The following AHCTF1 variants were observed in gnomAD, a reference collection of about 807,000 sequenced individuals.
AHCTF1 encodes the protein AT-hook containing transcription factor 1.
Under a neutral mutation model 248.4 loss-of-function variants are expected in AHCTF1, and 24 were observed. The ratio of observed to expected loss-of-function variants is 0.10; its 90% confidence interval spans 0.07 to 0.14. The LOEUF is 0.14. Ranked by LOEUF, AHCTF1 falls within the 10% of genes least tolerant of loss-of-function variation. AHCTF1 has a pLI of 1.00. For synonymous variants in AHCTF1, 786 were observed against 929.8 expected, an observed-to-expected ratio of 0.85 and a Z score of 2.81; for missense variants, 2,206 against 2,636.2, an observed-to-expected ratio of 0.84 and a Z score of 3.57.
chr1:246,920,142 CAAAAA>C (rs68194249), intron 1 of AHCTF1, among the ~76,000 whole-genome samples: 2 of 40,804 alleles, frequency 4.9e-5, no homozygotes, highest in East Asian at 9.5e-4. Flanking sequence ...CTGTCCCCCG[CAAAAA>C]AAAAAAAAAA....
At chr1:246,868,635 T>G (rs1662222002) in intron 24 of AHCTF1, among the ~76,000 whole-genome samples, 1 of 151,386 alleles carries the variant, frequency 6.6e-6, no homozygotes, top group Admixed American at 6.6e-5. Flanking sequence ...AAAAAAGTTA[T>G]TCTTTGTGTT....
chr1:246,918,188 C>G, intron 2 of AHCTF1, 62 bp downstream of exon 2: 1 of 1,442,848 alleles, frequency 6.9e-7, no homozygotes, highest in Non-Finnish European at 9.3e-7. Context: ...ATAATATATA[C>G]TTATTATTAT....
chr1:246,895,030 A>T (rs749148447), intron 13 of AHCTF1, among the ~76,000 whole-genome samples: 6 of 137,076 alleles, frequency 4.4e-5, no homozygotes, highest in Non-Finnish European at 9.5e-5. Context: ...AATTCCTTTA[A>T]AAAAAAAAAG....
intron 21 of AHCTF1, among the ~76,000 whole-genome samples, chr1:246,885,031 G>A (rs74784719): frequency 6.6e-6 from 1 of 152,126 alleles, no homozygotes; most frequent in East Asian, 1.9e-4. Flanking sequence ...GTTGTCAACT[G>A]GCAACAAATA....
At chr1:246,868,817 T>C (rs563154609) in intron 24 of AHCTF1, among the ~76,000 whole-genome samples, 1 of 150,752 alleles carries the variant, frequency 6.6e-6, no homozygotes, top group South Asian at 2.1e-4. Flanking sequence ...CATTTTATTG[T>C]GCTTTGCTTC....
At chr1:246,926,903 G>C (rs993376457) in intron 1 of AHCTF1, among the ~76,000 whole-genome samples, 1 of 152,058 alleles carries the variant, frequency 6.6e-6, no homozygotes, top group African/African-American at 2.4e-5. Context: ...GCCGGGCCGC[G>C]GTGGCACACG....
chr1:246,926,130 G>T (rs1040552698), intron 1 of AHCTF1, among the ~76,000 whole-genome samples: 1 of 150,880 alleles, frequency 6.6e-6, no homozygotes, highest in Admixed American at 6.6e-5. Context: ...TTTGCCTTCT[G>T]ACATGATTGG....
rs1330136140 is a variant in AHCTF1 at position 246,840,369 on chromosome 1, T to C, written c.*437A>G. On this transcript the variant is annotated 3_prime_UTR_variant, in exon 36 of 36. Coordinates refer to ENST00000648844, the MANE Select transcript of AHCTF1 (RefSeq NM_001323342.2). The stretch of plus-strand genomic sequence containing the variant: ...CTGATTAGAAATCTGAATCACAGAA[T>C]CAAAGTGCATAAATTATAAAATAGT... 6.6e-6 allele frequency: 1 copy of C among 152,662 alleles called. No individual in the cohort carries two copies. The highest frequency in any genetic ancestry group is 2.4e-5 in the African/African-American group (1 of 41,452). The allele number at this position is 152,662 out of a possible 1,614,324, so 9.5% of individuals were successfully genotyped here. A position where few individuals can be genotyped will look rare whatever the true frequency, so the allele number is the denominator to read the frequency against.
At chr1:246,889,171 G>A (rs916194247) in intron 17 of AHCTF1, among the ~76,000 whole-genome samples, 5 of 152,144 alleles carry the variant, frequency 3.3e-5, no homozygotes, top group African/African-American at 9.7e-5. Flanking sequence ...TTCATCACTT[G>A]GGTTAGTCTT....
intron 26 of AHCTF1, among the ~76,000 whole-genome samples, chr1:246,866,354 A>C (rs1661976837): frequency 6.6e-6 from 1 of 152,218 alleles, no homozygotes; most frequent in African/African-American, 2.4e-5. Flanking sequence ...GGTAGAAAAA[A>C]AGAATGTCGG....
chr1:246,864,047 G>A lies in AHCTF1; in HGVS notation c.3417C>T (p.Ser1139=). The change falls in exon 27 of 36, where the codon TCC becomes TCT. Residue 1139 remains serine (S), a synonymous_variant. Transcript: ENST00000648844. ...SQCSEFIQQS[S]MKSPLYLVSR... is the part of the protein sequence containing the mutation. The stretch of plus-strand genomic sequence containing the variant: ...ATACTAGGTACAAAGGAGATTTCAT[G>A]GAGCTTTGCTGAATAAACTCCGAAC... 1 of 1,614,158 alleles carries A rather than the reference G, an allele frequency of 6.2e-7. No homozygotes were observed. Among genetic ancestry groups the A allele is most frequent in the South Asian group, 1.1e-5 (1 of 91,084 alleles).
At chr1:246,845,918 G>C (rs1430559394) in intron 33 of AHCTF1, among the ~76,000 whole-genome samples, 1 of 151,746 alleles carries the variant, frequency 6.6e-6, no homozygotes, top group Non-Finnish European at 1.5e-5. Context: ...TTTAACAATT[G>C]GCTCTTACCA....
chr1:246,880,368 G>A (rs1663310017), intron 21 of AHCTF1, among the ~76,000 whole-genome samples: 1 of 151,820 alleles, frequency 6.6e-6, no homozygotes, highest in African/African-American at 2.4e-5. Context: ...TTCGAGGCCA[G>A]CCTGACCAAC....
At chr1:246,896,373 C>T (rs1185460498) in intron 12 of AHCTF1, among the ~76,000 whole-genome samples, 1 of 152,154 alleles carries the variant, frequency 6.6e-6, no homozygotes, top group Non-Finnish European at 1.5e-5. Context: ...GAATATTATA[C>T]AGCCATAAAA....
chr1:246,929,523 A>G (rs568363176), intron 1 of AHCTF1, among the ~76,000 whole-genome samples: 6 of 152,376 alleles, frequency 3.9e-5, no homozygotes, highest in South Asian at 2.1e-4. Flanking sequence ...GGACATGAGC[A>G]AAGAAACATC....
chr1:246,921,766 T>G (rs1201943376), intron 1 of AHCTF1, among the ~76,000 whole-genome samples: 1 of 152,172 alleles, frequency 6.6e-6, no homozygotes, highest in Non-Finnish European at 1.5e-5. Context: ...AATTATATAT[T>G]ACTGAAAGGA....
rs927432461 is a variant in AHCTF1 at position 246,855,636 on chromosome 1, A to G, written c.4354+94T>C. 19 of 989,526 alleles carry G rather than the reference A, an allele frequency of 1.9e-5. No individual in the cohort carries two copies. In the African/African-American group the frequency reaches 2.3e-4, roughly 12 times the overall value. 61.3% of individuals were successfully genotyped at this position (989,526 alleles called of 1,614,324 possible). On this transcript the variant is annotated intron_variant, in intron 31 of 35. Transcript: ENST00000648844. The stretch of plus-strand genomic sequence containing the variant: ...GAATAACTGAGGAGGAAAAATCTGA[A>G]TAACACAATAGATTATTTTGTTCTA...
chr1:246,931,220 A>C (rs1487910601), intron 1 of AHCTF1: 102 of 1,550,074 alleles, frequency 6.6e-5, no homozygotes, highest in Non-Finnish European at 8.5e-5. Flanking sequence ...CCCGCCAACG[A>C]GTCCATCGCG....
At position 246,860,933 on chromosome 1, in the gene AHCTF1, T is replaced by G. The variant is rs530726178; in HGVS notation, c.4098A>C (p.Ser1366=). 3.0e-5 allele frequency: 48 copies of G among 1,612,044 alleles called. No homozygotes were observed. The East Asian group carries it at 1.0e-3, about 35-fold the overall frequency. ...EKDGDKDVFA[S]EVTPSDLQKQ... The stretch of plus-strand genomic sequence containing the variant: ...TCTGTAGGTCTGAAGGAGTTACTTC[T>G]GATGCAAATACATCTTTATCTCCAT... The change falls in exon 29 of 36, where the codon TCA becomes TCC. Residue 1366 remains serine (S), a synonymous_variant. Coordinates refer to ENST00000648844, the MANE Select transcript of AHCTF1 (RefSeq NM_001323342.2).
Sources: allele counts gnomAD v4.1 joint callset (sites outside exome capture counted in the v4.1 genomes callset), GRCh38; gene constraint gnomAD v4.1.1; transcripts MANE v1.5; gene names NCBI Gene and HGNC (gene_info 2026-07-23, HGNC 2026-07-21).